Variants in CDH8 observed in about 807,000 individuals in gnomAD.
The protein encoded by CDH8 is cadherin 8.
A neutral mutation model predicts 68.1 loss-of-function variants in CDH8; 17 were observed. The ratio of observed to expected loss-of-function variants is 0.25; its 90% CI spans 0.17 to 0.37. The LOEUF is 0.37. Ranked by LOEUF, CDH8 falls within the 10% of genes least tolerant of loss-of-function variation. The probability of loss-of-function intolerance (pLI) is 1.00; values close to 1 mark genes in which losing one functional copy is unlikely to be tolerated. For synonymous variants in CDH8, 372 were observed against 365.1 expected, an observed-to-expected ratio of 1.02 and a Z score of -0.21; for missense variants, 763 against 999.3, an observed-to-expected ratio of 0.76 and a Z score of 3.19.
intron 7 of CDH8, among the ~76,000 whole-genome samples, chr16:61,808,667 A>C (rs1961864384): frequency 6.6e-6 from 1 of 152,228 alleles, no homozygotes; most frequent in African/African-American, 2.4e-5. Flanking sequence ...ATTTTGAGAA[A>C]TTTATTTTAG....
At chr16:61,757,078 G>C (rs1960338268) in intron 8 of CDH8, among the ~76,000 whole-genome samples, 1 of 151,978 alleles carries the variant, frequency 6.6e-6, no homozygotes, top group Non-Finnish European at 1.5e-5. Flanking sequence ...GTCCCTATTT[G>C]ACCATCACAA....
chr16:61,985,595 C>G (rs1260709572), intron 2 of CDH8, among the ~76,000 whole-genome samples: 1 of 151,964 alleles, frequency 6.6e-6, no homozygotes, highest in South Asian at 2.1e-4. Context: ...TGGATTCAAG[C>G]GATTCTCCTG....
chr16:61,782,819 G>A (rs536097775), intron 8 of CDH8, among the ~76,000 whole-genome samples: 6 of 152,262 alleles, frequency 3.9e-5, no homozygotes, highest in Non-Finnish European at 8.8e-5. Context: ...GCACCCCCCA[G>A]CAGGGGCACA....
intron 8 of CDH8, among the ~76,000 whole-genome samples, chr16:61,735,744 G>C (rs934042709): frequency 6.6e-6 from 1 of 151,924 alleles, no homozygotes; most frequent in African/African-American, 2.4e-5. Context: ...ATTATCTTTC[G>C]CCTTTAAAAA....
intron 2 of CDH8, among the ~76,000 whole-genome samples, chr16:61,932,527 G>T (rs78845524): frequency 6.6e-4 from 101 of 152,134 alleles, no homozygotes; most frequent in African/African-American, 2.4e-3. Context: ...CCCGTATAGT[G>T]ACCCAGAACT....
intron 8 of CDH8, among the ~76,000 whole-genome samples, chr16:61,734,870 G>A (rs1441963959): frequency 6.6e-6 from 1 of 151,854 alleles, no homozygotes; most frequent in African/African-American, 2.4e-5. Flanking sequence ...CAAGCTTCAT[G>A]CCTTAAAGAC....
At chr16:61,974,471 A>T (rs1382019782) in intron 2 of CDH8, among the ~76,000 whole-genome samples, 3 of 152,196 alleles carry the variant, frequency 2.0e-5, no homozygotes, top group African/African-American at 7.2e-5. Context: ...AATGAGTGCC[A>T]TGAAATCCAA....
In CDH8 at chr16:61,954,996, A is replaced by C. The variant is rs201921761; in HGVS notation, c.253-53523T>G. Among the ~76,000 whole-genome samples, 10 of 152,336 alleles carry C rather than the reference A, an allele frequency of 6.6e-5. No individual in the cohort carries two copies. The East Asian group carries it at 1.5e-3, about 24-fold the overall frequency. On this transcript the variant is annotated intron_variant, in intron 2 of 11. Transcript: ENST00000577390. ...AGTAACCTTCTAAAGTGGGTATTGGATCCACTTCACAGATGTAGAAATGAA... is the reference window on the plus strand; with the variant it reads ...AGTAACCTTCTAAAGTGGGTATTGGCTCCACTTCACAGATGTAGAAATGAA...
intron 8 of CDH8, among the ~76,000 whole-genome samples, chr16:61,758,497 A>T (rs118048842): frequency 0.017 from 2,623 of 152,198 alleles, 41 homozygotes; most frequent in Non-Finnish European, 0.027. Flanking sequence ...CAATGGCATG[A>T]CCTTGGCTCA....
intron 10 of CDH8, among the ~76,000 whole-genome samples, chr16:61,664,378 C>T (rs1025309674): frequency 2.6e-5 from 4 of 151,812 alleles, no homozygotes; most frequent in African/African-American, 4.8e-5. Context: ...TTCCGAGTAA[C>T]AAATAACCAA....
At chr16:61,692,466 T>C (rs1964245276) in intron 10 of CDH8, 1 of 152,138 alleles carries the variant, frequency 6.6e-6, no homozygotes, top group African/African-American at 2.4e-5. Flanking sequence ...CTGGAGCTTT[T>C]CTACACACAT....
intron 10 of CDH8, among the ~76,000 whole-genome samples, chr16:61,689,966 C>T (rs755095165): frequency 6.6e-6 from 1 of 151,938 alleles, no homozygotes; most frequent in African/African-American, 2.4e-5. Context: ...ACTGTCTTTC[C>T]TTTTCCAATT....
chr16:61,808,111 T>C (rs1343619842), intron 7 of CDH8, among the ~76,000 whole-genome samples: 1 of 152,202 alleles, frequency 6.6e-6, no homozygotes. Context: ...GCTGAAAACC[T>C]AGTGTCATAC....
intron 10 of CDH8, among the ~76,000 whole-genome samples, chr16:61,709,950 A>T (rs1262863407): frequency 6.6e-6 from 1 of 152,142 alleles, no homozygotes; most frequent in Non-Finnish European, 1.5e-5. Context: ...CCAACTACTG[A>T]TGAAGCCACG....
intron 10 of CDH8, among the ~76,000 whole-genome samples, chr16:61,674,901 C>CAAAG (rs1963866687): frequency 6.9e-6 from 1 of 144,802 alleles, no homozygotes; most frequent in Non-Finnish European, 1.5e-5. Flanking sequence ...GAAGACATTG[C>CAAAG]AATAGCAACT....
At chr16:62,007,951 TTTATTA>T (rs953601492) in intron 2 of CDH8, among the ~76,000 whole-genome samples, 1 of 152,072 alleles carries the variant, frequency 6.6e-6, no homozygotes, top group Non-Finnish European at 1.5e-5. Flanking sequence ...TATTTTTATC[TTTATTA>T]TTATTATTTT....
At chr16:61,713,186 T>G (rs1249355626) in intron 10 of CDH8, among the ~76,000 whole-genome samples, 1 of 151,564 alleles carries the variant, frequency 6.6e-6, no homozygotes, top group Non-Finnish European at 1.5e-5. Context: ...TAAACAATAA[T>G]CTATGGCTTT....
At chr16:61,771,263 T>C (rs571619783) in intron 8 of CDH8, among the ~76,000 whole-genome samples, 1 of 152,010 alleles carries the variant, frequency 6.6e-6, no homozygotes, top group South Asian at 2.1e-4. Context: ...TGTGGGTTTC[T>C]ATGGTATTCT....
chr16:61,868,686 A>G (rs1259980769), intron 3 of CDH8, among the ~76,000 whole-genome samples: 3 of 152,136 alleles, frequency 2.0e-5, no homozygotes, highest in Non-Finnish European at 4.4e-5. Flanking sequence ...TTTTGGGGTC[A>G]TGTCAGCACT....
Sources: allele counts gnomAD v4.1 joint callset (sites outside exome capture counted in the v4.1 genomes callset), GRCh38; gene constraint gnomAD v4.1.1; transcripts MANE v1.5; gene names NCBI Gene and HGNC (gene_info 2026-07-23, HGNC 2026-07-21).